LEPR: variants seen among roughly 807,000 people sequenced by gnomAD.
LEPR encodes the protein leptin receptor.
In LEPR, 56 loss-of-function variants were observed where a neutral mutation model predicts 114.7. That is an observed-to-expected ratio of 0.49 (90% CI 0.39 to 0.61). The LOEUF (loss-of-function observed/expected upper bound fraction) is 0.61. Ranked by LOEUF, LEPR falls within the 20% of genes least tolerant of loss-of-function variation. The pLI is 0.00. For missense variants in LEPR, 1,202 were observed against 1,352.9 expected, an observed-to-expected ratio of 0.89 and a Z score of 1.75; for synonymous variants, 443 against 461.4, an observed-to-expected ratio of 0.96 and a Z score of 0.51.
At chr1:65,435,002 C>T (rs1437705609) in intron 2 of LEPR, 1 of 985,430 alleles carries the variant, frequency 1.0e-6, no homozygotes, top group Non-Finnish European at 1.2e-6. Flanking sequence ...GACTGCTGCA[C>T]CTGCGTTTTT....
intron 16 of LEPR, among the ~76,000 whole-genome samples, chr1:65,618,617 C>A (rs200876628): frequency 1.3e-5 from 2 of 152,186 alleles, no homozygotes; most frequent in East Asian, 1.9e-4. Context: ...AGGCATGGGC[C>A]ACCACACCCA....
At chr1:65,447,246 A>G (rs928994718) in intron 2 of LEPR, among the ~76,000 whole-genome samples, 5 of 152,026 alleles carry the variant, frequency 3.3e-5, no homozygotes, top group Non-Finnish European at 7.4e-5. Flanking sequence ...GGTCTGTAAT[A>G]CATTTGAGTT....
intron 2 of LEPR, among the ~76,000 whole-genome samples, chr1:65,438,827 A>G (rs1400405957): frequency 6.6e-6 from 1 of 152,176 alleles, no homozygotes; most frequent in Non-Finnish European, 1.5e-5. Context: ...AATCAGTCAG[A>G]TTACAAACCC....
At position 65,446,326 on chromosome 1, in the gene LEPR, T is replaced by C. The variant is rs551186362; in HGVS notation, c.-21+20948T>C. On this transcript the variant is annotated intron_variant, in intron 2 of 19. Transcript: ENST00000349533. ...AGTTCCTACCCTTTTTTAGACCATA[T>C]AGGGTAATGACATTGCCATGGCATC... Among the ~76,000 whole-genome samples the C allele has an allele frequency of 3.3e-5, 5 of 152,314 alleles. No individual in the cohort carries two copies. The East Asian group carries it at 9.6e-4, about 29-fold the overall frequency.
chr1:65,615,644 T>C (rs1362007868), intron 14 of LEPR, among the ~76,000 whole-genome samples: 3 of 151,536 alleles, frequency 2.0e-5, no homozygotes, highest in Non-Finnish European at 2.9e-5. Context: ...ATGAGGAAAC[T>C]CTCTACTCCT....
chr1:65,425,459 A>G, intron 2 of LEPR, 81 bp downstream of exon 2: 1 of 1,210,184 alleles, frequency 8.3e-7, no homozygotes. Flanking sequence ...AGTTCGGTCA[A>G]TTTAGCACCA....
intron 6 of LEPR, among the ~76,000 whole-genome samples, chr1:65,594,141 A>G (rs913842553): frequency 6.6e-6 from 1 of 152,026 alleles, no homozygotes; most frequent in Non-Finnish European, 1.5e-5. Context: ...TATTTCTACT[A>G]TGTAGATCAA....
At chr1:65,634,920 T>TATG (rs1202955226) in intron 19 of LEPR, 1 of 821,126 alleles carries the variant, frequency 1.2e-6, no homozygotes, top group Non-Finnish European at 1.5e-6. Flanking sequence ...CTTCATATAT[T>TATG]ATGATTATGA....
At position 65,610,116 on chromosome 1, in the gene LEPR, G is replaced by A. The variant is rs1657072278; in HGVS notation, c.1912+10G>A. ...GTCATGGATATAAAAGGTCTGCAGA[G>A]ATTTTGTAAATGTGTTTTGAAAGTG... On this transcript the variant is annotated intron_variant, in intron 13 of 19. Transcript: ENST00000349533. The A allele has an allele frequency of 6.2e-7, 1 of 1,614,050 alleles. No homozygotes were observed. Among genetic ancestry groups the A allele is most frequent in the African/African-American group, 1.3e-5 (1 of 74,946 alleles).
chr1:65,557,651 C>T (rs895106210), intron 2 of LEPR, among the ~76,000 whole-genome samples: 2 of 152,190 alleles, frequency 1.3e-5, no homozygotes, highest in Admixed American at 6.5e-5. Flanking sequence ...AACTCCCGAC[C>T]TCAAGTGATC....
At chr1:65,459,594 G>T (rs1646919250) in intron 2 of LEPR, among the ~76,000 whole-genome samples, 1 of 152,138 alleles carries the variant, frequency 6.6e-6, no homozygotes, top group South Asian at 2.1e-4. Flanking sequence ...GCTTACCATT[G>T]TCCAACTAAC....
At chr1:65,451,772 G>A (rs1289054677) in intron 2 of LEPR, among the ~76,000 whole-genome samples, 1 of 151,790 alleles carries the variant, frequency 6.6e-6, no homozygotes, top group Non-Finnish European at 1.5e-5. Flanking sequence ...CTCTTTTTTG[G>A]TTCCATATGA....
chr1:65,455,464 T>C (rs2100348640), intron 2 of LEPR, among the ~76,000 whole-genome samples: 1 of 152,356 alleles, frequency 6.6e-6, no homozygotes, highest in East Asian at 1.9e-4. Flanking sequence ...GTTTTTGGTG[T>C]GGATGTCCTT....
chr1:65,473,331 A>G (rs1647113791), intron 2 of LEPR, among the ~76,000 whole-genome samples: 1 of 152,144 alleles, frequency 6.6e-6, no homozygotes, highest in Non-Finnish European at 1.5e-5. Flanking sequence ...TCAAATTTCT[A>G]TATGTGAAGG....
chr1:65,526,007 G>A, intron 2 of LEPR: 1 of 778,612 alleles, frequency 1.3e-6, no homozygotes, highest in Middle Eastern at 6.7e-4. Flanking sequence ...GGGGTGGGGT[G>A]GGTGCGACGC....
intron 2 of LEPR, among the ~76,000 whole-genome samples, chr1:65,453,828 G>C (rs1570477147): frequency 6.6e-6 from 1 of 151,852 alleles, no homozygotes; most frequent in East Asian, 1.9e-4. Flanking sequence ...TTCAATTCCT[G>C]GGTATCCTTG....
Position 65,619,983 on chromosome 1 carries a change from A to G in LEPR, c.2451A>G (p.Glu817=). The change falls in exon 17 of 20, where the codon GAA becomes GAG. Residue 817 remains glutamate (E), a synonymous_variant. Coordinates refer to ENST00000349533, the MANE Select transcript of LEPR (RefSeq NM_002303.6). ...YQFSLYPIFM[E]GVGKPKIINS... ...TCAGTCTTTACCCAATATTTATGGA[A>G]GGAGTGGGAAAACCAAAGATAATTA... 1 of 1,612,270 alleles carries G rather than the reference A, an allele frequency of 6.2e-7. No individual in the cohort carries two copies. Among genetic ancestry groups the G allele is most frequent in the Non-Finnish European group, 8.5e-7 (1 of 1,178,676 alleles).
intron 2 of LEPR, among the ~76,000 whole-genome samples, chr1:65,527,276 T>G (rs1244098165): frequency 6.6e-6 from 1 of 152,210 alleles, no homozygotes; most frequent in Non-Finnish European, 1.5e-5. Flanking sequence ...TTAAGCACAA[T>G]AGCAGAGATG....
chr1:65,522,635 C>T (rs983664314), intron 2 of LEPR, among the ~76,000 whole-genome samples: 2 of 152,108 alleles, frequency 1.3e-5, no homozygotes, highest in African/African-American at 4.8e-5. Flanking sequence ...AATAGTTGGG[C>T]AATATTTATG....
Sources: gnomAD v4.1 joint callset for allele counts (sites outside exome capture counted in the v4.1 genomes callset) on GRCh38, gnomAD v4.1.1 for gene constraint, MANE v1.5 for transcripts, NCBI Gene and HGNC (gene_info 2026-07-23, HGNC 2026-07-21) for gene names.